Variants in HDAC4 observed in about 807,000 individuals in gnomAD.
HDAC4 encodes histone deacetylase 4.
HDAC4 carries 16 observed loss-of-function variants against 135.1 expected under a neutral mutation model. The observed-to-expected ratio is 0.12, with a 90% CI of 0.08 to 0.18. The LOEUF is 0.18. Among genes scored for constraint, HDAC4 ranks in the 10% least tolerant of loss-of-function variants. HDAC4 has a pLI of 1.00. For synonymous variants in HDAC4, 685 were observed against 653.4 expected, an observed-to-expected ratio of 1.05 and a Z score of -0.74; for missense variants, 1,143 against 1,511.8, an observed-to-expected ratio of 0.76 and a Z score of 4.05.
chr2:239,063,470 C>T (rs1013108906), intron 24 of HDAC4, among the ~76,000 whole-genome samples: 12 of 152,216 alleles, frequency 7.9e-5, no homozygotes, highest in African/African-American at 1.4e-4. Flanking sequence ...TCCCAAAGTG[C>T]TGGGATTACA....
chr2:239,136,712 T>C (rs772821583), intron 9 of HDAC4, among the ~76,000 whole-genome samples: 1 of 152,146 alleles, frequency 6.6e-6, no homozygotes, highest in African/African-American at 2.4e-5. Flanking sequence ...GCAGCCAGTA[T>C]AAAAGTGGGC....
chr2:239,387,890 G>A (rs966398592), intron 1 of HDAC4, among the ~76,000 whole-genome samples: 2 of 152,210 alleles, frequency 1.3e-5, no homozygotes, highest in Non-Finnish European at 2.9e-5. Context: ...GGGAGTGGAA[G>A]GCGTGGGCTC....
At chr2:239,123,363 T>C (rs1287563898) in intron 12 of HDAC4, among the ~76,000 whole-genome samples, 3 of 151,708 alleles carry the variant, frequency 2.0e-5, no homozygotes, top group Non-Finnish European at 4.4e-5. Context: ...TTCCCTGCTG[T>C]CCGCTGATGA....
chr2:239,346,259 G>A (rs201607081), intron 2 of HDAC4, among the ~76,000 whole-genome samples: 1 of 125,946 alleles, frequency 7.9e-6, no homozygotes, highest in African/African-American at 2.9e-5. Flanking sequence ...TTAATACACA[G>A]ACACCCACAC....
At chr2:239,094,669 G>A (rs1261747504) in intron 17 of HDAC4, 2 of 1,196,690 alleles carry the variant, frequency 1.7e-6, no homozygotes, top group Non-Finnish European at 1.1e-6. Flanking sequence ...CATCCTACCC[G>A]CACCATACTC....
At chr2:239,219,328 A>G (rs2046818575) in intron 3 of HDAC4, among the ~76,000 whole-genome samples, 1 of 152,156 alleles carries the variant, frequency 6.6e-6, no homozygotes, top group Non-Finnish European at 1.5e-5. Context: ...AGGGACATGG[A>G]TGAAATTGGA....
At chr2:239,160,094 G>C (rs2042696107) in intron 6 of HDAC4, among the ~76,000 whole-genome samples, 1 of 152,128 alleles carries the variant, frequency 6.6e-6, no homozygotes, top group Admixed American at 6.5e-5. Context: ...CATACGCCAG[G>C]ATACTCCAGC....
chr2:239,142,661 C>T (rs576234444), intron 8 of HDAC4, among the ~76,000 whole-genome samples: 6 of 151,864 alleles, frequency 4.0e-5, no homozygotes, highest in African/African-American at 7.3e-5. Context: ...CGCCCTGCCA[C>T]GCATGGCTCC....
chr2:239,099,955 C>T (rs1235257034), intron 16 of HDAC4, among the ~76,000 whole-genome samples: 1 of 152,248 alleles, frequency 6.6e-6, no homozygotes, highest in Non-Finnish European at 1.5e-5. Flanking sequence ...GCCTGGAATG[C>T]CTCTGTGCCA....
chr2:239,146,271 C>A lies in HDAC4; in HGVS notation c.734-1557G>T, dbSNP rs1391691503. Among the ~76,000 whole-genome samples the A allele has an allele frequency of 6.6e-6, 1 of 152,214 alleles. No homozygotes were observed. The highest frequency in any genetic ancestry group is 1.9e-4 in the East Asian group (1 of 5,196). On this transcript the variant is annotated intron_variant, in intron 7 of 26. Coordinates refer to ENST00000543185, the MANE Select transcript of HDAC4 (RefSeq NM_001378414.1). The surrounding 1 kb of genome is among the most constrained non-coding windows in gnomAD (Gnocchi z 4.5). ...ACAAGCCAAAAAACCCAACTGATGA[C>A]TAGGCAAGAAAACAGTACCTCTTCT...
In HDAC4 at chr2:239,054,933, C is replaced by A; in HGVS notation, c.3004-100G>T. The A allele has an allele frequency of 2.3e-6, 2 of 853,176 alleles. 1 individual carries two copies. The highest frequency in any genetic ancestry group is 2.7e-5 in the South Asian group (2 of 75,286). 52.9% of individuals were successfully genotyped at this position (853,176 alleles called of 1,614,324 possible). ...GCAACTGTTTCCTGAGCACAGAGAC[C>A]CTTGTGGGGTGCATTTGCCCACAGA... On this transcript the variant is annotated intron_variant, in intron 24 of 26. Coordinates refer to ENST00000543185, the MANE Select transcript of HDAC4 (RefSeq NM_001378414.1).
chr2:239,121,019 A>G (rs967516595), intron 12 of HDAC4, among the ~76,000 whole-genome samples: 1 of 143,826 alleles, frequency 7.0e-6, no homozygotes, highest in African/African-American at 2.7e-5. Context: ...TTTTTTTGAG[A>G]CAGGGTCTTG....
chr2:239,363,721 A>G (rs1451566411), intron 1 of HDAC4, among the ~76,000 whole-genome samples: 1 of 152,248 alleles, frequency 6.6e-6, no homozygotes, highest in Non-Finnish European at 1.5e-5. Context: ...AAAGAAAATG[A>G]TAAATTGTGC....
chr2:239,131,430 G>A (rs189679742), intron 11 of HDAC4, among the ~76,000 whole-genome samples: 94 of 152,324 alleles, frequency 6.2e-4, no homozygotes, highest in African/African-American at 1.8e-3. Context: ...GCAAGAGTTC[G>A]TCAAAAACTG....
rs561983001 is a variant in HDAC4, at chr2:239,303,131, C to G, written c.22+49547G>C. Among the ~76,000 whole-genome samples, 2 of 152,330 alleles carry G rather than the reference C, an allele frequency of 1.3e-5. No homozygotes were observed. The highest frequency in any genetic ancestry group is 4.1e-4 in the South Asian group (2 of 4,828). On this transcript the variant is annotated intron_variant, in intron 2 of 26. Transcript: ENST00000543185. This position sits in a 1 kb window ranked among gnomAD's most constrained non-coding sequence, Gnocchi z 5.1. Reference sequence around the variant, plus strand: ...GGGTGGGCCCCTGGATTCAAAGTGGCAACAGAGCCTGACTCCAGCCTCAGG... The same window carrying G: ...GGGTGGGCCCCTGGATTCAAAGTGGGAACAGAGCCTGACTCCAGCCTCAGG...
intron 19 of HDAC4, among the ~76,000 whole-genome samples, chr2:239,086,876 C>T (rs139190002): frequency 8.5e-5 from 13 of 152,348 alleles, no homozygotes; most frequent in South Asian, 2.1e-4. Context: ...TCTAGCACCA[C>T]CCCTCCTCAC....
At chr2:239,323,745 C>CA (rs2053386875) in intron 2 of HDAC4, among the ~76,000 whole-genome samples, 1 of 151,924 alleles carries the variant, frequency 6.6e-6, no homozygotes. Flanking sequence ...GGTGAGAGCT[C>CA]AAAAAGCATC....
At position 239,306,887 on chromosome 2, in the gene HDAC4, G is replaced by A. The variant is rs1209697369; in HGVS notation, c.22+45791C>T. ...AGGAGCTGCAGGGATGCATGGGGGC[G>A]TTCAGGAATGTCCAAGGAGGGCCTG... On this transcript the variant is annotated intron_variant, in intron 2 of 26. Transcript: ENST00000543185. This position sits in a 1 kb window ranked among gnomAD's most constrained non-coding sequence, Gnocchi z 4.5. Among the ~76,000 whole-genome samples, 2 of 151,950 alleles carry A rather than the reference G, an allele frequency of 1.3e-5. No homozygotes were observed. Among genetic ancestry groups the A allele is most frequent in the East Asian group, 1.9e-4 (1 of 5,136 alleles).
chr2:239,150,710 C>T (rs2042066927), intron 7 of HDAC4, among the ~76,000 whole-genome samples: 1 of 147,882 alleles, frequency 6.8e-6, no homozygotes, highest in Non-Finnish European at 1.5e-5. Flanking sequence ...CATACAGCAG[C>T]AGGAAGTCTC....
Sources: gnomAD v4.1 joint callset for allele counts (sites outside exome capture counted in the v4.1 genomes callset) on GRCh38, gnomAD v4.1.1 for gene constraint, Gnocchi (gnomAD v3.1) non-coding constraint, MANE v1.5 for transcripts, NCBI Gene and HGNC (gene_info 2026-07-23, HGNC 2026-07-21) for gene names.